Variants in TPRG1 observed in about 807,000 individuals in gnomAD.
The protein encoded by TPRG1 is tumor protein p63 regulated 1, also known as tumor protein p63-regulated gene 1 protein.
Under a neutral mutation model 29.3 loss-of-function variants are expected in TPRG1, and 29 were observed. The observed-to-expected ratio is 0.99, with a 90% confidence interval of 0.74 to 1.35. TPRG1 has a LOEUF of 1.35. TPRG1 is among the 40% of genes most tolerant of loss of function. The pLI is 0.00. For missense variants in TPRG1, 327 were observed against 335.0 expected (o/e 0.98, Z 0.19); for synonymous variants, 130 against 116.8 (o/e 1.11, Z -0.73).
chr3:189,295,920 A>AG (rs1024144562), intron 4 of TPRG1, among the ~76,000 whole-genome samples: 3 of 101,044 alleles, frequency 3.0e-5, no homozygotes, highest in Non-Finnish European at 2.0e-5. Flanking sequence ...CTTTAAAAAA[A>AG]AAAAAAAAAA....
chr3:189,215,901 G>A lies in TPRG1; in HGVS notation c.302+518G>A, dbSNP rs1486065798. 6.7e-4 allele frequency among the ~76,000 whole-genome samples: 102 copies of A among 152,184 alleles called. 1 individual carries two copies. The highest frequency in any genetic ancestry group is 1.6e-4 in the Non-Finnish European group (11 of 68,012). On this transcript the variant is annotated intron_variant, in intron 3 of 5. Transcript: ENST00000345063. Reference sequence around the variant, plus strand: ...CCAGAGTTAGGATAAAAACCAAGTCGAACATTCAAGCCCTTATTGCTTCAA... The same window carrying A: ...CCAGAGTTAGGATAAAAACCAAGTCAAACATTCAAGCCCTTATTGCTTCAA...
At chr3:189,102,318 C>T (rs1279950102) in intron 1 of TPRG1, among the ~76,000 whole-genome samples, 2 of 152,150 alleles carry the variant, frequency 1.3e-5, no homozygotes, top group East Asian at 1.9e-4. Flanking sequence ...TTATCTATCT[C>T]CAGAGCCAGC....
At chr3:189,255,882 T>C (rs1183639850) in intron 4 of TPRG1, among the ~76,000 whole-genome samples, 2 of 152,022 alleles carry the variant, frequency 1.3e-5, no homozygotes, top group African/African-American at 2.4e-5. Context: ...CCTTTTATCA[T>C]TTTTTGTTTA....
chr3:189,251,675 T>C (rs1219189205), intron 4 of TPRG1, among the ~76,000 whole-genome samples: 1 of 152,180 alleles, frequency 6.6e-6, no homozygotes, highest in Non-Finnish European at 1.5e-5. Flanking sequence ...AATTAAGTGC[T>C]GTGCTTTAGA....
intron 1 of TPRG1, among the ~76,000 whole-genome samples, chr3:189,177,367 C>T (rs186393056): frequency 1.6e-3 from 238 of 150,516 alleles, no homozygotes; most frequent in Non-Finnish European, 2.1e-3. Flanking sequence ...ATATCAGAGC[C>T]GAAGATAAAA....
chr3:189,013,014 A>G (rs1335579436), intron 3 of TPRG1, among the ~76,000 whole-genome samples: 6 of 151,964 alleles, frequency 3.9e-5, no homozygotes, highest in African/African-American at 1.2e-4. Context: ...TTGTATTTCT[A>G]TCTCCTTCAG....
At chr3:189,266,338 T>G (rs1464385695) in intron 4 of TPRG1, among the ~76,000 whole-genome samples, 1 of 152,194 alleles carries the variant, frequency 6.6e-6, no homozygotes, top group Non-Finnish European at 1.5e-5. Flanking sequence ...TACAAAATGT[T>G]AATAGGCAGC....
chr3:189,187,928 T>C (rs1731165949), intron 1 of TPRG1, among the ~76,000 whole-genome samples: 1 of 152,202 alleles, frequency 6.6e-6, no homozygotes, highest in South Asian at 2.1e-4. Context: ...AATCTTGATA[T>C]ATCACCCACA....
intron 1 of TPRG1, among the ~76,000 whole-genome samples, chr3:189,201,459 C>T (rs1388853904): frequency 3.3e-5 from 5 of 152,184 alleles, no homozygotes; most frequent in African/African-American, 9.6e-5. Context: ...CAGAGAGGGC[C>T]AGCAGCCCAG....
intron 4 of TPRG1, among the ~76,000 whole-genome samples, chr3:189,267,379 A>T (rs1263573737): frequency 6.6e-6 from 1 of 152,228 alleles, no homozygotes; most frequent in Non-Finnish European, 1.5e-5. Flanking sequence ...GCCCTCAAAT[A>T]GCTTGAGATC....
At position 189,116,925 on chromosome 3, in the gene TPRG1, TTTATG is replaced by T. The variant is rs370228343; in HGVS notation, c.-743-10125_-743-10121del. Reference sequence around the variant, plus strand: ...CCTAAAAGTGGTAAAGATGGTACATTTTATGTTATGTATATTTTACCACAACTAAA... The same window carrying T: ...CCTAAAAGTGGTAAAGATGGTACATTTTATGTATATTTTACCACAACTAAA... On this transcript the variant is annotated intron_variant, in intron 1 of 6. Transcript: ENST00000412373. Among the ~76,000 whole-genome samples the T allele has an allele frequency of 3.0e-4, 46 of 152,340 alleles. No individual in the cohort carries two copies. In the East Asian group the frequency reaches 7.5e-3, roughly 25 times the overall value.
intron 3 of TPRG1, chr3:189,004,793 G>A (rs1303521747): frequency 6.6e-6 from 1 of 152,084 alleles, no homozygotes; most frequent in Non-Finnish European, 1.5e-5. Flanking sequence ...ATCTAGATCT[G>A]GGGATTTAAC....
intron 1 of TPRG1, chr3:189,000,726 T>G (rs1487043344): frequency 6.6e-6 from 1 of 152,026 alleles, no homozygotes; most frequent in Non-Finnish European, 1.5e-5. Flanking sequence ...TATGTTCATG[T>G]GCATATTTAT....
intron 3 of TPRG1, among the ~76,000 whole-genome samples, chr3:189,216,236 C>T (rs984836361): frequency 6.6e-6 from 1 of 152,128 alleles, no homozygotes; most frequent in African/African-American, 2.4e-5. Context: ...GTAACTTGAT[C>T]ACAAAAGGGT....
rs1724366064 is a variant in TPRG1 at position 189,322,024 on chromosome 3, T to A, written c.*1204T>A. ...CAACAACCCAGGAAATTATCTCATATGTTTGCATCTCTCAAGTTTCTTTTC... is the reference window on the plus strand; with the variant it reads ...CAACAACCCAGGAAATTATCTCATAAGTTTGCATCTCTCAAGTTTCTTTTC... On this transcript the variant is annotated 3_prime_UTR_variant, in exon 6 of 6. Transcript: ENST00000345063. The A allele has an allele frequency of 2.6e-5, 4 of 152,034 alleles. No homozygotes were observed. Among genetic ancestry groups the A allele is most frequent in the Admixed American group, 2.6e-4 (4 of 15,238 alleles). The allele number at this position is 152,034 out of a possible 1,614,324, so 9.4% of individuals were successfully genotyped here.
At chr3:189,048,224 C>T (rs1715094584) in intron 4 of TPRG1, among the ~76,000 whole-genome samples, 1 of 152,214 alleles carries the variant, frequency 6.6e-6, no homozygotes, top group African/African-American at 2.4e-5. Context: ...TCTTGTGCAG[C>T]TCCATCAGAG....
At chr3:189,025,772 G>A (rs1713627398) in intron 4 of TPRG1, among the ~76,000 whole-genome samples, 1 of 152,202 alleles carries the variant, frequency 6.6e-6, no homozygotes, top group African/African-American at 2.4e-5. Flanking sequence ...ATAAGAGAAT[G>A]TTGTCTTTTG....
intron 1 of TPRG1, among the ~76,000 whole-genome samples, chr3:188,997,229 C>T (rs1711869148): frequency 6.6e-6 from 1 of 151,888 alleles, no homozygotes; most frequent in African/African-American, 2.4e-5. Context: ...CTCTCTCTCC[C>T]TCCTTCTATG....
At chr3:189,277,451 A>G (rs1716358226) in intron 4 of TPRG1, among the ~76,000 whole-genome samples, 1 of 152,228 alleles carries the variant, frequency 6.6e-6, no homozygotes, top group Non-Finnish European at 1.5e-5. Context: ...AATAAGATTA[A>G]GAATCAGAAT....
Sources: allele counts gnomAD v4.1 joint callset (sites outside exome capture counted in the v4.1 genomes callset), GRCh38; gene constraint gnomAD v4.1.1; transcripts MANE v1.5; gene names NCBI Gene and HGNC (gene_info 2026-07-23, HGNC 2026-07-21).